MECOM: variants seen among roughly 807,000 people sequenced by gnomAD.
MECOM encodes MDS1 and EVI1 complex locus, also known as histone-lysine N-methyltransferase MECOM.
In MECOM, 13 loss-of-function variants were observed where a neutral mutation model predicts 116.3. The observed-to-expected ratio is 0.11, with a 90% CI of 0.07 to 0.18. The LOEUF (loss-of-function observed/expected upper bound fraction) is 0.18. Ranked by LOEUF, MECOM falls within the 10% of genes least tolerant of loss-of-function variation. MECOM has a pLI of 1.00. For synonymous variants in MECOM, 528 were observed against 535.2 expected, an observed-to-expected ratio of 0.99 and a Z score of 0.19; for missense variants, 1,299 against 1,509.0, an observed-to-expected ratio of 0.86 and a Z score of 2.31.
chr3:169,410,137 G>A (rs16853674), intron 1 of MECOM, among the ~76,000 whole-genome samples: 3,565 of 152,158 alleles, frequency 0.023, 131 homozygotes, highest in African/African-American at 0.081. Flanking sequence ...CATATCAGGC[G>A]AAATCAAAAA....
intron 2 of MECOM, among the ~76,000 whole-genome samples, chr3:169,175,406 T>C (rs1745005325): frequency 6.6e-6 from 1 of 152,166 alleles, no homozygotes; most frequent in African/African-American, 2.4e-5. Flanking sequence ...CTTTGTTTCA[T>C]GCACAAAATT....
At chr3:169,175,162 A>G (rs531364763) in intron 2 of MECOM, among the ~76,000 whole-genome samples, 42 of 152,274 alleles carry the variant, frequency 2.8e-4, no homozygotes, top group African/African-American at 9.4e-4. Flanking sequence ...AAAAGCCCGC[A>G]CTTACAACAT....
intron 16 of MECOM, among the ~76,000 whole-genome samples, chr3:169,088,611 T>C (rs1718623616): frequency 6.6e-6 from 1 of 152,144 alleles, no homozygotes; most frequent in Admixed American, 6.6e-5. Flanking sequence ...TAGAATTCAC[T>C]TTTCAGAAAA....
chr3:169,173,921 T>A (rs562045850), intron 2 of MECOM, among the ~76,000 whole-genome samples: 1 of 152,338 alleles, frequency 6.6e-6, no homozygotes, highest in African/African-American at 2.4e-5. Flanking sequence ...ATGTAATACT[T>A]TGGACTTTAT....
intron 2 of MECOM, among the ~76,000 whole-genome samples, chr3:169,168,889 T>C (rs996310817): frequency 1.3e-5 from 2 of 151,896 alleles, no homozygotes; most frequent in Non-Finnish European, 2.9e-5. Flanking sequence ...GAATAGGTTA[T>C]TATAGATAAA....
intron 2 of MECOM, among the ~76,000 whole-genome samples, chr3:169,306,226 ATTT>A (rs1717676310): frequency 6.6e-6 from 1 of 152,140 alleles, no homozygotes. Context: ...AGTTCAATAG[ATTT>A]TTATTAATTA....
chr3:169,525,601 G>A (rs1486533425), intron 1 of MECOM, among the ~76,000 whole-genome samples: 1 of 152,212 alleles, frequency 6.6e-6, no homozygotes. Context: ...TCCAAAAAGA[G>A]AGCACGTATC....
intron 1 of MECOM, among the ~76,000 whole-genome samples, chr3:169,626,589 C>T (rs1483814731): frequency 6.6e-6 from 1 of 152,184 alleles, no homozygotes; most frequent in Non-Finnish European, 1.5e-5. Context: ...TTGCCCAGGG[C>T]CTGACCTCCA....
intron 1 of MECOM, among the ~76,000 whole-genome samples, chr3:169,567,701 C>A (rs932471217): frequency 2.0e-5 from 3 of 152,098 alleles, no homozygotes; most frequent in Non-Finnish European, 1.5e-5. Flanking sequence ...TTTCCTGACA[C>A]CCTGAGGAAA....
At chr3:169,593,936 T>C (rs1290343347) in intron 1 of MECOM, among the ~76,000 whole-genome samples, 1 of 151,998 alleles carries the variant, frequency 6.6e-6, no homozygotes, top group Non-Finnish European at 1.5e-5. Flanking sequence ...TTGGTCAACA[T>C]AGTGAAACCT....
chr3:169,300,756 C>A (rs1172080712), intron 2 of MECOM, among the ~76,000 whole-genome samples: 2 of 152,122 alleles, frequency 1.3e-5, no homozygotes, highest in Non-Finnish European at 2.9e-5. Context: ...ACATAGTGTC[C>A]CCAAACAAAG....
At chr3:169,516,771 C>T (rs1198945038) in intron 1 of MECOM, among the ~76,000 whole-genome samples, 1 of 152,152 alleles carries the variant, frequency 6.6e-6, no homozygotes, top group African/African-American at 2.4e-5. Context: ...TAGATATGAG[C>T]GTCTTCCTGG....
chr3:169,411,636 A>T (rs1441082767), intron 1 of MECOM, among the ~76,000 whole-genome samples: 1 of 152,208 alleles, frequency 6.6e-6, no homozygotes, highest in Non-Finnish European at 1.5e-5. Context: ...CTGCAAAAGC[A>T]CCAAAGAGCC....
At chr3:169,113,821 G>A (rs1728232402) in intron 8 of MECOM, among the ~76,000 whole-genome samples, 1 of 152,062 alleles carries the variant, frequency 6.6e-6, no homozygotes, top group Non-Finnish European at 1.5e-5. Flanking sequence ...TGAAGTAGGT[G>A]ATGTTATATC....
At chr3:169,097,817 T>TATAAAAAAAAAAAAAAAAAAAAAAA (rs1553818439) in intron 12 of MECOM, among the ~76,000 whole-genome samples, 2 of 87,218 alleles carry the variant, frequency 2.3e-5, no homozygotes, top group African/African-American at 3.9e-5. Context: ...ACTGTCTATA[T>TATAAAAAAAAAAAAAAAAAAAAAAA]AAAAAAAAAA....
chr3:169,175,524 T>C (rs1186218848), intron 2 of MECOM, among the ~76,000 whole-genome samples: 1 of 152,210 alleles, frequency 6.6e-6, no homozygotes, highest in Admixed American at 6.5e-5. Context: ...TATCTCATTA[T>C]GTATATGCAA....
rs1297647907 is a variant in MECOM at position 169,088,982 on chromosome 3, C to A, written c.3585+18G>T. On this transcript the variant is annotated intron_variant, in intron 16 of 16. Transcript: ENST00000651503. ...TGCATAATGTAACCATGATGCTGTA[C>A]TATGGGAAAATCTGTACCTGCGATT... The A allele has an allele frequency of 6.4e-7, 1 of 1,556,396 alleles. No homozygotes were observed. The highest frequency in any genetic ancestry group is 1.2e-5 in the South Asian group (1 of 80,360).
At chr3:169,319,543 A>G (rs1406234653) in intron 2 of MECOM, among the ~76,000 whole-genome samples, 1 of 128,206 alleles carries the variant, frequency 7.8e-6, no homozygotes, top group African/African-American at 3.3e-5. Flanking sequence ...CATGTATCCT[A>G]GAACTTAAAG....
intron 1 of MECOM, among the ~76,000 whole-genome samples, chr3:169,653,451 A>G (rs911356881): frequency 2.0e-5 from 3 of 152,248 alleles, no homozygotes; most frequent in Non-Finnish European, 4.4e-5. Flanking sequence ...TTGGAATGAA[A>G]TAACATAGAA....
Sources: gnomAD v4.1 joint callset for allele counts (sites outside exome capture counted in the v4.1 genomes callset) on GRCh38, gnomAD v4.1.1 for gene constraint, MANE v1.5 for transcripts, NCBI Gene and HGNC (gene_info 2026-07-23, HGNC 2026-07-21) for gene names.